DMXL2: variants seen among roughly 807,000 people sequenced by gnomAD.
DMXL2 encodes the protein dmX-like protein 2.
DMXL2 carries 103 observed loss-of-function variants against 331.1 expected under a neutral mutation model. The observed-to-expected ratio is 0.31, with a 90% confidence interval of 0.27 to 0.37. The LOEUF (loss-of-function observed/expected upper bound fraction) is 0.37, where lower values mean the gene tolerates loss of function less well. DMXL2 is among the 10% of genes least tolerant of loss of function. DMXL2 has a pLI of 1.00. For synonymous variants in DMXL2, 1,281 were observed against 1,252.1 expected, an observed-to-expected ratio of 1.02 and a Z score of -0.49; for missense variants, 3,171 against 3,642.9, an observed-to-expected ratio of 0.87 and a Z score of 3.33.
chr15:51,506,924 A>G (rs1671863508), intron 16 of DMXL2, among the ~76,000 whole-genome samples: 1 of 152,168 alleles, frequency 6.6e-6, no homozygotes, highest in Non-Finnish European at 1.5e-5. Context: ...TTTTTTCAAT[A>G]TGTCTAATGT....
chr15:51,465,631 G>C lies in DMXL2; in HGVS notation c.7541C>G (p.Thr2514Arg). ...NSYSWALLHL[T>R]MVKLALHNVK... ...ATTGTGAAGTGCTAGTTTAACCATT[G>C]TCAAATGTAGAAGAGCCCAGCTGTT... Residue 2514 changes from threonine (T) to arginine (R), a missense_variant, in exon 31 of 44, where the codon ACA (threonine) becomes AGA (arginine). Physicochemically the swap from Thr to Arg is moderately conservative, Grantham distance 71. Transcript: ENST00000560891. 1 of 1,602,902 alleles carries C rather than the reference G, an allele frequency of 6.2e-7. No individual in the cohort carries two copies. The highest frequency in any genetic ancestry group is 8.5e-7 in the Non-Finnish European group (1 of 1,176,140).
intron 1 of DMXL2, among the ~76,000 whole-genome samples, chr15:51,596,477 T>C (rs575186637): frequency 6.6e-6 from 1 of 152,360 alleles, no homozygotes; most frequent in Non-Finnish European, 1.5e-5. Flanking sequence ...CTGGTGGGAC[T>C]GTAAACTAGT....
intron 3 of DMXL2, among the ~76,000 whole-genome samples, chr15:51,566,201 G>T (rs2050258332): frequency 6.6e-6 from 1 of 151,460 alleles, no homozygotes; most frequent in Admixed American, 6.6e-5. Flanking sequence ...CACAGAGCAA[G>T]ACTCTATATC....
chr15:51,486,661 C>G (rs184870079), intron 22 of DMXL2, among the ~76,000 whole-genome samples: 184 of 152,026 alleles, frequency 1.2e-3, no homozygotes, highest in African/African-American at 4.0e-3. Context: ...ATTTATATAC[C>G]ACTTCCTCTT....
intron 15 of DMXL2, among the ~76,000 whole-genome samples, chr15:51,510,922 G>A (rs964270477): frequency 7.9e-5 from 12 of 152,112 alleles, no homozygotes; most frequent in Non-Finnish European, 1.3e-4. Context: ...TGACAAACCT[G>A]ACAAAAACAA....
At chr15:51,484,031 AGCAGCCCT>A (rs1292707929) in intron 23 of DMXL2, among the ~76,000 whole-genome samples, 1 of 151,730 alleles carries the variant, frequency 6.6e-6, no homozygotes, top group Non-Finnish European at 1.5e-5. Flanking sequence ...AGACCAGCTG[AGCAGCCCT>A]GCACCTGCAT....
At chr15:51,451,824 A>G in intron 41 of DMXL2, 127 bp from the exon 42 acceptor site, 1 of 732,754 alleles carries the variant, frequency 1.4e-6, no homozygotes, top group South Asian at 1.8e-5. Flanking sequence ...ACTCACACCT[A>G]TAGAGAGTAG....
intron 23 of DMXL2, among the ~76,000 whole-genome samples, chr15:51,483,281 T>G (rs2042150101): frequency 6.6e-6 from 1 of 152,134 alleles, no homozygotes; most frequent in African/African-American, 2.4e-5. Flanking sequence ...TTGAGACCAG[T>G]CACCTCTGGC....
chr15:51,464,687 T>C lies in DMXL2; in HGVS notation c.7796A>G (p.Asn2599Ser). Reference protein sequence around the residue: ...LRNKAMLEPENTPFKSRDSSA... With the variant: ...LRNKAMLEPESTPFKSRDSSA... Reference sequence around the variant, plus strand: ...AGAGCTTTCTTACTTGAATGGGGTATTTTCAGGTTCTAGCATTGCTTTATT... The same window carrying C: ...AGAGCTTTCTTACTTGAATGGGGTACTTTCAGGTTCTAGCATTGCTTTATT... The change falls in exon 32 of 44, where the codon AAT becomes AGT. Residue 2599 changes from asparagine (N) to serine (S), a missense_variant. Transcript: ENST00000560891. 6.2e-7 allele frequency: 1 copy of C among 1,613,960 alleles called. No homozygotes were observed. Among genetic ancestry groups the C allele is most frequent in the Non-Finnish European group, 8.5e-7 (1 of 1,179,886 alleles).
chr15:51,491,256 C>T (rs1475808791), intron 20 of DMXL2, among the ~76,000 whole-genome samples: 3 of 152,172 alleles, frequency 2.0e-5, no homozygotes, highest in Admixed American at 6.5e-5. Context: ...TCCTGGCCAA[C>T]ATGGTGAAAC....
At chr15:51,576,469 T>C (rs1462241023) in intron 1 of DMXL2, among the ~76,000 whole-genome samples, 1 of 152,162 alleles carries the variant, frequency 6.6e-6, no homozygotes, top group Admixed American at 6.6e-5. Context: ...TAAGTCATTC[T>C]GTTTAGACTT....
chr15:51,488,226 C>T (rs1318766903), intron 21 of DMXL2, 107 bp from the exon 22 acceptor site: 3 of 1,076,286 alleles, frequency 2.8e-6, no homozygotes, highest in Non-Finnish European at 2.5e-6. Flanking sequence ...AAAAGAAGAA[C>T]AATAACTTCA....
chr15:51,560,115 G>C (rs1378196908), intron 6 of DMXL2, among the ~76,000 whole-genome samples: 1 of 152,070 alleles, frequency 6.6e-6, no homozygotes, highest in African/African-American at 2.4e-5. Context: ...TTAATTATAA[G>C]AGATTAAAAT....
At chr15:51,597,082 A>C (rs1595688643) in intron 1 of DMXL2, among the ~76,000 whole-genome samples, 2 of 151,906 alleles carry the variant, frequency 1.3e-5, no homozygotes, top group Admixed American at 1.3e-4. Context: ...AATAATAATA[A>C]AAAAGCAGAC....
intron 35 of DMXL2, 29 bp downstream of exon 35, chr15:51,458,680 A>G: frequency 6.2e-7 from 1 of 1,613,652 alleles, no homozygotes; most frequent in Non-Finnish European, 8.5e-7. Context: ...AAGGAGAAAT[A>G]CACTGTGTAT....
At chr15:51,538,973 G>A (rs1166799878) in intron 9 of DMXL2, among the ~76,000 whole-genome samples, 1 of 152,046 alleles carries the variant, frequency 6.6e-6, no homozygotes, top group African/African-American at 2.4e-5. Flanking sequence ...ATTTTGGGAG[G>A]GAGAGGCGGG....
intron 13 of DMXL2, among the ~76,000 whole-genome samples, chr15:51,521,496 T>C (rs903217780): frequency 2.7e-5 from 4 of 148,524 alleles, no homozygotes; most frequent in Non-Finnish European, 4.5e-5. Context: ...GTAGCAGCAT[T>C]TTTTTCAGGT....
intron 27 of DMXL2, among the ~76,000 whole-genome samples, chr15:51,476,113 A>C (rs937430873): frequency 6.6e-6 from 1 of 152,236 alleles, no homozygotes; most frequent in Non-Finnish European, 1.5e-5. Flanking sequence ...AAGTTTTGAA[A>C]CAACTGATGT....
At chr15:51,492,438 T>TA (rs1221250127) in intron 19 of DMXL2, among the ~76,000 whole-genome samples, 1 of 152,258 alleles carries the variant, frequency 6.6e-6, no homozygotes, top group African/African-American at 2.4e-5. Context: ...GTTAAAAGTT[T>TA]AAAGCTGCCT....
Sources: gnomAD v4.1 joint callset for allele counts (sites outside exome capture counted in the v4.1 genomes callset) on GRCh38, gnomAD v4.1.1 for gene constraint, MANE v1.5 for transcripts, NCBI Gene and HGNC (gene_info 2026-07-23, HGNC 2026-07-21) for gene names.